FAM133B: variants seen among roughly 807,000 people sequenced by gnomAD.
FAM133B encodes the protein protein FAM133B.
FAM133B carries 25 observed loss-of-function variants against 46.4 expected under a neutral mutation model. The observed-to-expected ratio is 0.54, with a 90% CI of 0.39 to 0.75. FAM133B has a LOEUF of 0.75. Ranked by LOEUF, FAM133B falls within the 30% of genes least tolerant of loss-of-function variation. The pLI is 0.00. For missense variants in FAM133B, 205 were observed against 277.6 expected (o/e 0.74, Z 1.86); for synonymous variants, 75 against 86.0 (o/e 0.87, Z 0.71).
At chr7:92,582,854 G>A (rs1794929111) in intron 1 of FAM133B, among the ~76,000 whole-genome samples, 1 of 152,210 alleles carries the variant, frequency 6.6e-6, no homozygotes, top group Non-Finnish European at 1.5e-5. Flanking sequence ...CAAGGATGCA[G>A]AGAAACTGGA....
At chr7:92,564,683 T>A (rs916298252) in intron 10 of FAM133B, among the ~76,000 whole-genome samples, 1 of 152,186 alleles carries the variant, frequency 6.6e-6, no homozygotes, top group Non-Finnish European at 1.5e-5. Context: ...AACCTACAAA[T>A]GATGATGTTT....
At chr7:92,590,242 C>G (rs1795162465) in intron 1 of FAM133B, 26 bp downstream of exon 1, 2 of 1,613,510 alleles carry the variant, frequency 1.2e-6, no homozygotes, top group African/African-American at 2.7e-5. Flanking sequence ...TGCGTCGCCC[C>G]ACTGTTTTCC....
At chr7:92,582,312 A>ATAACATAAATAAC (rs1258725326) in intron 1 of FAM133B, among the ~76,000 whole-genome samples, 2 of 132,654 alleles carry the variant, frequency 1.5e-5, no homozygotes, top group East Asian at 4.7e-4. Context: ...AATAACATAA[A>ATAACATAAATAAC]ATAACATAAC....
chr7:92,575,696 T>A (rs576605016), intron 8 of FAM133B, 75 bp downstream of exon 8: 13 of 695,648 alleles, frequency 1.9e-5, no homozygotes, highest in Non-Finnish European at 2.8e-5. Context: ...TAAAAAGAGA[T>A]ACACATTATT....
chr7:92,567,153 G>A (rs562411725), intron 9 of FAM133B, among the ~76,000 whole-genome samples: 1 of 152,264 alleles, frequency 6.6e-6, no homozygotes, highest in East Asian at 1.9e-4. Flanking sequence ...GGAGTTCCAG[G>A]CTGCAGTGAT....
intron 9 of FAM133B, chr7:92,569,543 T>A: frequency 5.1e-6 from 1 of 194,854 alleles, no homozygotes; most frequent in Non-Finnish European, 1.0e-5. Flanking sequence ...TTCTTTCATG[T>A]AACAAGAATG....
At chr7:92,589,943 TG>T (rs138851037) in intron 1 of FAM133B, 224 of 435,188 alleles carry the variant, frequency 5.1e-4, no homozygotes, top group East Asian at 6.4e-4. Context: ...GGGCCAGGTG[TG>T]GGGGGGGTTC....
At position 92,590,296 on chromosome 7, in the gene FAM133B, C is replaced by T; in HGVS notation, c.-5G>A. ...CCGATTGTCCCGCTTCCCCATGGTG[C>T]TGGATCGAGCGCACAGTAGCACGCC... On this transcript the variant is annotated 5_prime_UTR_variant, in exon 1 of 11. Coordinates refer to ENST00000445716, the MANE Select transcript of FAM133B (RefSeq NM_152789.4). 1 of 1,613,852 alleles carries T rather than the reference C, an allele frequency of 6.2e-7. No homozygotes were observed.
intron 1 of FAM133B, 148 bp from the exon 2 acceptor site, chr7:92,581,751 ATTAAT>A (rs1315679219): frequency 3.3e-6 from 2 of 615,010 alleles, no homozygotes; most frequent in Non-Finnish European, 5.6e-6. Flanking sequence ...TTCTAAAAAA[ATTAAT>A]TTAATCCTCT....
intron 10 of FAM133B, among the ~76,000 whole-genome samples, chr7:92,563,409 C>A (rs890876380): frequency 6.6e-6 from 1 of 152,142 alleles, no homozygotes; most frequent in Non-Finnish European, 1.5e-5. Context: ...GCTGAGCACT[C>A]TCTTCTAAAA....
At chr7:92,576,705 G>A (rs1400697649) in intron 7 of FAM133B, among the ~76,000 whole-genome samples, 1 of 152,184 alleles carries the variant, frequency 6.6e-6, no homozygotes, top group Non-Finnish European at 1.5e-5. Context: ...CCAACTGTGT[G>A]TCTGACAATC....
At chr7:92,577,977 G>A (rs1241098371) in intron 5 of FAM133B, 173 bp downstream of exon 5, 13 of 691,976 alleles carry the variant, frequency 1.9e-5, no homozygotes, top group African/African-American at 5.4e-5. Context: ...GGTTGGCACC[G>A]TTTTTTATGT....
rs11558505 is a variant in FAM133B at position 92,590,330 on chromosome 7, C to T, written c.-39G>A. On this transcript the variant is annotated 5_prime_UTR_variant, in exon 1 of 11. Transcript: ENST00000445716. The stretch of plus-strand genomic sequence containing the variant: ...GCGCACAGTAGCACGCCGAGGGAAA[C>T]CGGGCCGGAGAGACTGCCGAAGAGG... The T allele has an allele frequency of 5.4e-3, 8,707 of 1,613,326 alleles. 415 individuals carry two copies. The African/African-American group carries it at 0.097, about 18-fold the overall frequency.
intron 7 of FAM133B, 145 bp downstream of exon 7, chr7:92,576,958 T>C (rs1794718366): frequency 2.4e-6 from 1 of 423,956 alleles, no homozygotes; most frequent in African/African-American, 2.1e-5. Flanking sequence ...ACATGCAAGA[T>C]ATTATCAAGT....
intron 2 of FAM133B, among the ~76,000 whole-genome samples, chr7:92,580,403 T>G (rs1422855819): frequency 1.2e-4 from 19 of 152,184 alleles, no homozygotes. Flanking sequence ...CCCTGGAATC[T>G]GGAATTTTGG....
intron 10 of FAM133B, among the ~76,000 whole-genome samples, chr7:92,564,379 G>A (rs936420784): frequency 6.6e-6 from 1 of 152,148 alleles, no homozygotes; most frequent in Admixed American, 6.5e-5. Context: ...TTAGAAAAGT[G>A]CCTGCATAGA....
chr7:92,581,034 A>C (rs947449240), intron 2 of FAM133B, among the ~76,000 whole-genome samples: 4 of 152,248 alleles, frequency 2.6e-5, no homozygotes, highest in African/African-American at 9.6e-5. Flanking sequence ...TAAGGTATTA[A>C]TAACGAGGAA....
chr7:92,563,770 G>T (rs1389826886), intron 10 of FAM133B, among the ~76,000 whole-genome samples: 2 of 152,094 alleles, frequency 1.3e-5, no homozygotes, highest in African/African-American at 2.4e-5. Context: ...CTGTCATTTT[G>T]CTTAGGTCAA....
chr7:92,566,541 T>C (rs1277231637), intron 9 of FAM133B, among the ~76,000 whole-genome samples: 2 of 151,566 alleles, frequency 1.3e-5, no homozygotes, highest in African/African-American at 2.4e-5. Flanking sequence ...AACTGGAAGG[T>C]TGAGATGGGA....
Sources: gnomAD v4.1 joint callset for allele counts (sites outside exome capture counted in the v4.1 genomes callset) on GRCh38, gnomAD v4.1.1 for gene constraint, MANE v1.5 for transcripts, NCBI Gene and HGNC (gene_info 2026-07-23, HGNC 2026-07-21) for gene names.